The following ZNF362 variants were observed in gnomAD, a reference collection of about 807,000 sequenced individuals.
The protein encoded by ZNF362 is zinc finger protein 362, also known as rotund homolog.
Under a neutral mutation model 42.9 loss-of-function variants are expected in ZNF362, and 11 were observed. The observed-to-expected ratio is 0.26, with a 90% confidence interval of 0.16 to 0.42. The LOEUF is 0.42. Ranked by LOEUF, ZNF362 falls within the 20% of genes least tolerant of loss-of-function variation. The pLI is 1.00. For missense variants in ZNF362, 362 were observed against 576.2 expected, an observed-to-expected ratio of 0.63 and a Z score of 3.81; for synonymous variants, 255 against 257.3, an observed-to-expected ratio of 0.99 and a Z score of 0.09.
At chr1:33,175,384 C>T in the ZNF362 span, among the ~76,000 whole-genome samples, 1 of 152,106 alleles carries the variant, frequency 6.6e-6, no homozygotes, top group African/African-American at 2.4e-5. Context: ...ACAGAACTCA[C>T]CTCCAAATCT....
chr1:33,188,800 C>T, the ZNF362 span, among the ~76,000 whole-genome samples: 22 of 152,328 alleles, frequency 1.4e-4, no homozygotes, highest in South Asian at 4.6e-3. Flanking sequence ...GAGAGATAAG[C>T]TCATTTCCAC....
chr1:33,154,912 T>C, the ZNF362 span, among the ~76,000 whole-genome samples: 1 of 151,128 alleles, frequency 6.6e-6, no homozygotes, highest in Non-Finnish European at 1.5e-5. Flanking sequence ...GCTAACACGG[T>C]GAAACCCCGT....
At chr1:33,214,116 C>G in the ZNF362 span, among the ~76,000 whole-genome samples, 1 of 151,964 alleles carries the variant, frequency 6.6e-6, no homozygotes, top group South Asian at 2.1e-4. Context: ...TTGAAAGACA[C>G]AAAATAAGAT....
chr1:33,272,045 A>T (rs1283834130), intron 2 of ZNF362, among the ~76,000 whole-genome samples: 1 of 146,250 alleles, frequency 6.8e-6, no homozygotes, highest in Non-Finnish European at 1.6e-5. Flanking sequence ...GGTGGGAGAG[A>T]GGGGGCTCCC....
rs537842529 is a variant in ZNF362, at chr1:33,279,677, A to ATCCATT, written c.350-442_350-441insTTCCAT. Among the ~76,000 whole-genome samples, 1,223 of 149,100 alleles carry ATCCATT rather than the reference A, an allele frequency of 8.2e-3. 17 individuals carry two copies. The highest frequency in any genetic ancestry group is 0.028 in the African/African-American group (1,142 of 40,524). On this transcript the variant is annotated intron_variant, in intron 4 of 8. Transcript: ENST00000539719. Reference sequence around the variant, plus strand: ...TTTTTTTTATTACTCCTGATCTACTATCCATATCACATTTTGGCACGTTCT... The same window carrying ATCCATT: ...TTTTTTTTATTACTCCTGATCTACTATCCATTTCCATATCACATTTTGGCACGTTCT...
the ZNF362 span, chr1:33,165,250 A>G: frequency 2.1e-6 from 1 of 481,516 alleles, no homozygotes. This position sits in a 1 kb window ranked among gnomAD's most constrained non-coding sequence, Gnocchi z 4.0. Context: ...ACCAGCCCAC[A>G]TCCTTGCCGC....
chr1:33,243,326 G>A, the ZNF362 span, among the ~76,000 whole-genome samples: 2 of 151,574 alleles, frequency 1.3e-5, no homozygotes, highest in East Asian at 2.0e-4. Flanking sequence ...AGGTGCACCC[G>A]CCGCACCACC....
chr1:33,238,381 T>TA, the ZNF362 span, among the ~76,000 whole-genome samples: 38 of 105,526 alleles, frequency 3.6e-4, no homozygotes, highest in East Asian at 3.1e-3. Context: ...TAAAATAAAA[T>TA]AAATAAAATA....
chr1:33,199,282 G>A, the ZNF362 span, among the ~76,000 whole-genome samples: 2 of 151,474 alleles, frequency 1.3e-5, no homozygotes, highest in Non-Finnish European at 2.9e-5. Flanking sequence ...ACCGCTAAAG[G>A]AAGAAGAAAC....
chr1:33,163,687 G>A, the ZNF362 span: 936 of 152,472 alleles, frequency 6.1e-3, 5 homozygotes, highest in Middle Eastern at 0.014. Context: ...GCATCACCCC[G>A]CCAGGGCGCC....
the ZNF362 span, among the ~76,000 whole-genome samples, chr1:33,176,813 T>C: frequency 6.6e-6 from 1 of 152,172 alleles, no homozygotes; most frequent in Non-Finnish European, 1.5e-5. Flanking sequence ...TCTTCATCAG[T>C]AGAAGAAATA....
chr1:33,149,315 G>C, the ZNF362 span, among the ~76,000 whole-genome samples: 2 of 152,118 alleles, frequency 1.3e-5, no homozygotes, highest in African/African-American at 2.4e-5. Context: ...ACCACGCCTG[G>C]CTAATTTTTT....
chr1:33,253,528 G>A (rs184361781), upstream of ZNF362, among the ~76,000 whole-genome samples: 2 of 152,146 alleles, frequency 1.3e-5, no homozygotes, highest in African/African-American at 4.8e-5. Flanking sequence ...CACTTTGGCT[G>A]GCTGGAGCAC....
chr1:33,206,028 G>A, the ZNF362 span, among the ~76,000 whole-genome samples: 1 of 152,192 alleles, frequency 6.6e-6, no homozygotes, highest in East Asian at 1.9e-4. Context: ...AAGATGTGCA[G>A]GCCATTCATT....
At chr1:33,159,569 A>C in the ZNF362 span, 800 of 1,383,082 alleles carry the variant, frequency 5.8e-4, 14 homozygotes, top group South Asian at 0.011. The surrounding 1 kb of genome is among the most constrained non-coding windows in gnomAD (Gnocchi z 4.2). Flanking sequence ...TAAATGTTTG[A>C]TGAAGATTTG....
chr1:33,291,783 T>G (rs1646080102), intron 6 of ZNF362, among the ~76,000 whole-genome samples: 1 of 152,244 alleles, frequency 6.6e-6, no homozygotes, highest in Non-Finnish European at 1.5e-5. Context: ...AAGAGGTTCT[T>G]CACATCCCTT....
At chr1:33,147,211 A>C in the ZNF362 span, 3 of 1,613,840 alleles carry the variant, frequency 1.9e-6, no homozygotes, top group South Asian at 1.1e-5. The surrounding 1 kb of genome is among the most constrained non-coding windows in gnomAD (Gnocchi z 8.1). Flanking sequence ...CAGCGGCTGA[A>C]CGTTCTTGCC....
At chr1:33,152,081 C>T in the ZNF362 span, among the ~76,000 whole-genome samples, 18 of 152,210 alleles carry the variant, frequency 1.2e-4, no homozygotes, top group Non-Finnish European at 2.6e-4. Flanking sequence ...CATGGGAGCA[C>T]CACGACAGAC....
intron 6 of ZNF362, among the ~76,000 whole-genome samples, chr1:33,288,823 G>A (rs558291395): frequency 4.6e-5 from 7 of 151,488 alleles, no homozygotes; most frequent in Admixed American, 2.6e-4. Context: ...GGGAGCTGGG[G>A]CTGGGTGCTC....
Sources: gnomAD v4.1 joint callset for allele counts (sites outside exome capture counted in the v4.1 genomes callset) on GRCh38, gnomAD v4.1.1 for gene constraint, Gnocchi (gnomAD v3.1) non-coding constraint, MANE v1.5 for transcripts, NCBI Gene and HGNC (gene_info 2026-07-23, HGNC 2026-07-21) for gene names.